The following ECD variants were observed in gnomAD, a reference collection of about 807,000 sequenced individuals.
ECD encodes the protein protein ecdysoneless homolog.
ECD carries 59 observed loss-of-function variants against 77.2 expected under a neutral mutation model. The ratio of observed to expected loss-of-function variants is 0.76; its 90% confidence interval spans 0.62 to 0.95. The LOEUF is 0.95. Among genes scored for constraint, ECD ranks in the 40% least tolerant of loss-of-function variants. ECD has a pLI of 0.00. For missense variants in ECD, 704 were observed against 763.4 expected, an observed-to-expected ratio of 0.92 and a Z score of 0.92; for synonymous variants, 233 against 267.4, an observed-to-expected ratio of 0.87 and a Z score of 1.26.
chr10:73,167,982 C>G lies in ECD; in HGVS notation c.-130G>C, dbSNP rs1843518504. The G allele has an allele frequency of 3.4e-6, 1 of 292,926 alleles. No individual in the cohort carries two copies. Among genetic ancestry groups the G allele is most frequent in the South Asian group, 4.3e-5 (1 of 23,402 alleles). 18.1% of individuals were successfully genotyped at this position (292,926 alleles called of 1,614,324 possible). ...CGCCGAAGCCTGGATCAGGCTCTGT[C>G]CCGACGCCTGACCGGAACCTGAAGC... On this transcript the variant is annotated 5_prime_UTR_variant, in exon 1 of 14. Coordinates refer to ENST00000372979, the MANE Select transcript of ECD (RefSeq NM_007265.3).
rs192757844 is a variant in ECD at position 73,153,558 on chromosome 10, G to A, written c.783+698C>T. ...TCGAGACCAGTCTGGCCAACATGGC[G>A]AAACACCATCTAAAAATAAAAAAAT... On this transcript the variant is annotated intron_variant, in intron 6 of 13. Transcript: ENST00000372979. Among the ~76,000 whole-genome samples the A allele has an allele frequency of 5.8e-4, 87 of 151,194 alleles. No individual in the cohort carries two copies. The East Asian group carries it at 0.013, about 23-fold the overall frequency.
rs1842978596 is a variant in ECD at position 73,136,808 on chromosome 10, A to G, written c.1600T>C (p.Ser534Pro). The change falls in exon 13 of 14, where the codon TCC becomes CCC. Residue 534 changes from serine to proline, a missense_variant. By Grantham distance (74) the Ser-to-Pro change is moderately conservative. Transcript: ENST00000372979. ...FETHEPGEEA[S>P]LKGTLDNLKS... ...AGATTATCAAGTGTTCCTTTCAGGG[A>G]AGCCTCTTCGCCAGGTTCGTGTGTT... is the stretch of plus-strand genomic sequence containing the variant. The G allele has an allele frequency of 6.2e-7, 1 of 1,614,124 alleles. No individual in the cohort carries two copies. The highest frequency in any genetic ancestry group is 2.2e-5 in the East Asian group (1 of 44,876).
chr10:73,141,429 G>A (rs148985097), intron 9 of ECD: 7,795 of 162,694 alleles, frequency 0.048, 636 homozygotes, highest in African/African-American at 0.17. Flanking sequence ...GATGAATGGC[G>A]TGAACCCAGG....
intron 1 of ECD, among the ~76,000 whole-genome samples, chr10:73,165,150 T>G (rs1396506490): frequency 2.0e-5 from 3 of 152,166 alleles, no homozygotes; most frequent in Non-Finnish European, 4.4e-5. Flanking sequence ...GCTTTAAAAT[T>G]TTGTTATTTA....
intron 8 of ECD, 46 bp from the exon 9 acceptor site, chr10:73,146,407 C>G: frequency 7.2e-7 from 1 of 1,393,802 alleles, no homozygotes; most frequent in Non-Finnish European, 9.8e-7. Context: ...CACAAGTTGT[C>G]ATGAAAAAAA....
In ECD at chr10:73,139,241, T is replaced by C. The variant is rs576355268; in HGVS notation, c.1421+68A>G. 2.0e-5 allele frequency: 28 copies of C among 1,379,696 alleles called. No homozygotes were observed. In the African/African-American group the frequency reaches 2.8e-4, roughly 14 times the overall value. The allele number at this position is 1,379,696 out of a possible 1,614,324, so 85.5% of individuals were successfully genotyped here. On this transcript the variant is annotated intron_variant, in intron 11 of 13. Coordinates refer to ENST00000372979, the MANE Select transcript of ECD (RefSeq NM_007265.3). ...CAAAAAAAAAAAAAAAAAGTGGAAA[T>C]GGCAATGACTATGACTTCAACATTT...
chr10:73,151,161 T>G (rs1014666131), intron 7 of ECD, among the ~76,000 whole-genome samples: 1 of 151,584 alleles, frequency 6.6e-6, no homozygotes, highest in Non-Finnish European at 1.5e-5. Flanking sequence ...ATTAAGAAAA[T>G]GTGGCACATA....
rs756487677 is a variant in ECD, at chr10:73,163,706, T to C, written c.205+27A>G. On this transcript the variant is annotated intron_variant, in intron 2 of 13. Coordinates refer to ENST00000372979, the MANE Select transcript of ECD (RefSeq NM_007265.3). ...GTCAGGATAACATTAAAAGTCACACTAATCCAAACAAGTAAAAGAGCCTTA... is the reference window on the plus strand; with the variant it reads ...GTCAGGATAACATTAAAAGTCACACCAATCCAAACAAGTAAAAGAGCCTTA... 3 of 1,607,826 alleles carry C rather than the reference T, an allele frequency of 1.9e-6. No homozygotes were observed. The Admixed American group carries it at 5.0e-5, about 27-fold the overall frequency.
At chr10:73,161,009 A>G (rs1224310785) in intron 2 of ECD, among the ~76,000 whole-genome samples, 1 of 152,228 alleles carries the variant, frequency 6.6e-6, no homozygotes. Context: ...CTAAACAACA[A>G]CACACTCTTG....
intron 6 of ECD, 123 bp from the exon 7 acceptor site, chr10:73,152,544 A>ATAGGTT: frequency 8.8e-7 from 1 of 1,130,574 alleles, no homozygotes; most frequent in Non-Finnish European, 1.2e-6. Flanking sequence ...AATGCAAAGA[A>ATAGGTT]GATTCAACCT....
intron 2 of ECD, among the ~76,000 whole-genome samples, chr10:73,162,516 T>A (rs1843393766): frequency 6.6e-6 from 1 of 152,226 alleles, no homozygotes; most frequent in African/African-American, 2.4e-5. Flanking sequence ...ATAAATATCA[T>A]ATGTATTTCA....
upstream of ECD, chr10:73,168,052 A>C: frequency 2.1e-6 from 1 of 468,424 alleles, no homozygotes; most frequent in South Asian, 2.8e-5. Context: ...TCAGTCCCCG[A>C]AACCTTGTGT....
chr10:73,155,160 G>A (rs1843279277), intron 5 of ECD, among the ~76,000 whole-genome samples: 1 of 151,822 alleles, frequency 6.6e-6, no homozygotes, highest in African/African-American at 2.4e-5. Flanking sequence ...CCACCTCCCA[G>A]GTTCAAGTGA....
intron 1 of ECD, among the ~76,000 whole-genome samples, chr10:73,164,657 G>A (rs1843428337): frequency 1.3e-5 from 2 of 151,868 alleles, no homozygotes; most frequent in Admixed American, 1.3e-4. Flanking sequence ...TTTTAGTAGA[G>A]GCAAGGTTTT....
chr10:73,156,743 T>C, intron 3 of ECD, 88 bp from the exon 4 acceptor site: 1 of 1,256,394 alleles, frequency 8.0e-7, no homozygotes, highest in Non-Finnish European at 1.1e-6. Context: ...ATTTTCCTCT[T>C]CATCTTAGTA....
chr10:73,157,232 T>G (rs1360045249), intron 3 of ECD, among the ~76,000 whole-genome samples: 1 of 151,592 alleles, frequency 6.6e-6, no homozygotes, highest in Non-Finnish European at 1.5e-5. Flanking sequence ...GTATTTTTAG[T>G]AGAGACAGGG....
In ECD at chr10:73,152,001, G is replaced by GT. The variant is rs557760310; in HGVS notation, c.912+291dup. 2.8e-3 allele frequency among the ~76,000 whole-genome samples: 429 copies of GT among 151,372 alleles called. 4 individuals carry two copies. Among genetic ancestry groups the GT allele is most frequent in the Admixed American group, 0.025 (373 of 15,184 alleles). Reference sequence around the variant, plus strand: ...CTATTCAAATTATAAAAGGTTCTTGGTTTTTTTTCAAATTGTATAGTTTCA... The same window carrying GT: ...CTATTCAAATTATAAAAGGTTCTTGGTTTTTTTTTCAAATTGTATAGTTTCA... On this transcript the variant is annotated intron_variant, in intron 7 of 13. Coordinates refer to ENST00000372979, the MANE Select transcript of ECD (RefSeq NM_007265.3).
intron 3 of ECD, 121 bp from the exon 4 acceptor site, chr10:73,156,776 G>T: frequency 1.1e-6 from 1 of 913,596 alleles, no homozygotes; most frequent in Non-Finnish European, 1.7e-6. Flanking sequence ...TGTACTATGT[G>T]CAGATGGCTA....
At chr10:73,151,967 A>C (rs917856982) in intron 7 of ECD, among the ~76,000 whole-genome samples, 1 of 152,140 alleles carries the variant, frequency 6.6e-6, no homozygotes, top group African/African-American at 2.4e-5. Flanking sequence ...ATGCATAGAA[A>C]GGCCTTTCCT....
Sources: allele counts gnomAD v4.1 joint callset (sites outside exome capture counted in the v4.1 genomes callset), GRCh38; gene constraint gnomAD v4.1.1; transcripts MANE v1.5; gene names NCBI Gene and HGNC (gene_info 2026-07-23, HGNC 2026-07-21).